The following SLC4A4 variants were observed in gnomAD, a reference collection of about 807,000 sequenced individuals.
SLC4A4 encodes solute carrier family 4 member 4, also known as electrogenic sodium bicarbonate cotransporter 1.
A neutral mutation model predicts 111.5 loss-of-function variants in SLC4A4; 27 were observed. The observed-to-expected ratio is 0.24, with a 90% CI of 0.18 to 0.33. The LOEUF (loss-of-function observed/expected upper bound fraction) is 0.33. SLC4A4 is among the 10% of genes least tolerant of loss of function. SLC4A4 has a pLI of 1.00. For synonymous variants in SLC4A4, 443 were observed against 463.4 expected (o/e 0.96, Z 0.57); for missense variants, 909 against 1,315.5 (o/e 0.69, Z 4.78).
chr4:71,481,739 C>CA (rs1728899910), intron 14 of SLC4A4, among the ~76,000 whole-genome samples: 1 of 105,796 alleles, frequency 9.5e-6, no homozygotes, highest in South Asian at 2.6e-4. Flanking sequence ...TTGTAAATGT[C>CA]AATTACTTAC....
At chr4:71,094,933 G>C (rs1021177690) in intron 2 of SLC4A4, among the ~76,000 whole-genome samples, 4 of 152,068 alleles carry the variant, frequency 2.6e-5, no homozygotes, top group African/African-American at 9.7e-5. Context: ...TAAAAGTTAG[G>C]CATTAATTAA....
chr4:71,131,444 G>T (rs987456814), intron 2 of SLC4A4, among the ~76,000 whole-genome samples: 3 of 152,180 alleles, frequency 2.0e-5, no homozygotes, highest in African/African-American at 7.2e-5. Flanking sequence ...TGTCTGTGCT[G>T]TAGCTGGGTT....
intron 7 of SLC4A4, 46 bp downstream of exon 7, chr4:71,397,699 T>A (rs1212941713): frequency 2.0e-6 from 3 of 1,489,682 alleles, no homozygotes; most frequent in Middle Eastern, 3.4e-4. Context: ...AGAACGTATA[T>A]CTAAAAGATG....
At chr4:71,202,491 T>C (rs895306841) in intron 1 of SLC4A4, among the ~76,000 whole-genome samples, 7 of 152,176 alleles carry the variant, frequency 4.6e-5, no homozygotes, top group Non-Finnish European at 8.8e-5. Flanking sequence ...AAGCAGAGAG[T>C]TAAAAATGTA....
chr4:71,301,401 G>A (rs2602057), intron 3 of SLC4A4, among the ~76,000 whole-genome samples: 4,957 of 152,198 alleles, frequency 0.033, 289 homozygotes, highest in African/African-American at 0.11. Flanking sequence ...ACAGTCTTGG[G>A]GCCAGTCTGA....
At chr4:71,503,208 A>T (rs568777048) in intron 16 of SLC4A4, among the ~76,000 whole-genome samples, 64 of 149,926 alleles carry the variant, frequency 4.3e-4, no homozygotes, top group African/African-American at 1.2e-3. Flanking sequence ...CTTAATAGTG[A>T]GGGGATCTCT....
At chr4:71,251,154 A>G (rs1721047423) in intron 2 of SLC4A4, among the ~76,000 whole-genome samples, 1 of 152,224 alleles carries the variant, frequency 6.6e-6, no homozygotes, top group Non-Finnish European at 1.5e-5. Context: ...GGCTGATCTA[A>G]AACCCTTTTC....
At chr4:71,312,195 T>G (rs999388798) in intron 3 of SLC4A4, among the ~76,000 whole-genome samples, 1 of 152,008 alleles carries the variant, frequency 6.6e-6, no homozygotes, top group African/African-American at 2.4e-5. Flanking sequence ...TTCCTGGACA[T>G]GTACAGCCTC....
intron 2 of SLC4A4, among the ~76,000 whole-genome samples, chr4:71,119,623 G>T (rs1165579653): frequency 6.6e-6 from 1 of 152,100 alleles, no homozygotes; most frequent in Non-Finnish European, 1.5e-5. Flanking sequence ...ATCATGATGT[G>T]TATCAGTTTG....
At chr4:71,523,040 A>G (rs1255367895) in intron 16 of SLC4A4, among the ~76,000 whole-genome samples, 1 of 152,210 alleles carries the variant, frequency 6.6e-6, no homozygotes, top group Non-Finnish European at 1.5e-5. Context: ...TAGGTTATAA[A>G]CAGCCCTTTA....
rs796924912 is a variant in SLC4A4, at chr4:71,212,934, A to AT, written c.-1-23637dup. ...CAGTCCCATAAATTTATATTATTGT[A>AT]TTTTTACTGTACATTTTCTATGTTT... On this transcript the variant is annotated intron_variant, in intron 1 of 25. Coordinates refer to ENST00000264485, the MANE Select transcript of SLC4A4 (RefSeq NM_001098484.3). Among the ~76,000 whole-genome samples the AT allele has an allele frequency of 3.5e-4, 53 of 152,258 alleles. 1 individual carries two copies. Among genetic ancestry groups the AT allele is most frequent in the African/African-American group, 1.2e-3 (49 of 41,558 alleles).
chr4:71,470,300 C>T (rs930941442), intron 13 of SLC4A4, among the ~76,000 whole-genome samples: 3 of 151,888 alleles, frequency 2.0e-5, no homozygotes, highest in African/African-American at 7.3e-5. Context: ...CAGAAGGATC[C>T]CATAAAGTCT....
At chr4:71,251,430 G>A (rs1054131495) in intron 2 of SLC4A4, among the ~76,000 whole-genome samples, 1 of 152,164 alleles carries the variant, frequency 6.6e-6, no homozygotes, top group African/African-American at 2.4e-5. Flanking sequence ...CAAGAATCAC[G>A]TAGTGATCAT....
chr4:71,497,448 G>T, intron 15 of SLC4A4, 53 bp from the exon 16 acceptor site: 2 of 1,467,204 alleles, frequency 1.4e-6, no homozygotes, highest in Non-Finnish European at 1.9e-6. Context: ...ATCAAAGGCT[G>T]CTTTTTATAT....
chr4:71,501,340 T>C (rs1170671357), intron 16 of SLC4A4, among the ~76,000 whole-genome samples: 1 of 152,028 alleles, frequency 6.6e-6, no homozygotes, highest in African/African-American at 2.4e-5. Context: ...TTCTAAAATT[T>C]TTTTGGTGGA....
chr4:71,458,035 C>T (rs767316957), intron 12 of SLC4A4, among the ~76,000 whole-genome samples: 3 of 151,658 alleles, frequency 2.0e-5, no homozygotes, highest in Non-Finnish European at 4.4e-5. Context: ...TATTTTTGAT[C>T]TGCAGTTGGT....
At chr4:71,310,290 C>T (rs1187245084) in intron 3 of SLC4A4, among the ~76,000 whole-genome samples, 1 of 152,006 alleles carries the variant, frequency 6.6e-6, no homozygotes, top group Non-Finnish European at 1.5e-5. Context: ...ACCTCCCCAA[C>T]CTAGCAAGAC....
intron 2 of SLC4A4, among the ~76,000 whole-genome samples, chr4:71,181,328 C>T (rs930521439): frequency 1.3e-5 from 2 of 152,060 alleles, no homozygotes. Flanking sequence ...AACTAACCTG[C>T]ACATTGTGCA....
chr4:71,454,840 G>A (rs1320064655), intron 12 of SLC4A4, among the ~76,000 whole-genome samples: 4 of 152,100 alleles, frequency 2.6e-5, no homozygotes, highest in Admixed American at 6.5e-5. Flanking sequence ...TGGTGGGTTG[G>A]CTCAGCTGAG....
Sources: allele counts gnomAD v4.1 joint callset (sites outside exome capture counted in the v4.1 genomes callset), GRCh38; gene constraint gnomAD v4.1.1; transcripts MANE v1.5; gene names NCBI Gene and HGNC (gene_info 2026-07-23, HGNC 2026-07-21).